Variants in ANKRD13C observed in about 807,000 individuals in gnomAD.
The protein encoded by ANKRD13C is ankyrin repeat domain-containing protein 13C.
A neutral mutation model predicts 65.5 loss-of-function variants in ANKRD13C; 16 were observed. The ratio of observed to expected loss-of-function variants is 0.24; its 90% confidence interval spans 0.17 to 0.37. The LOEUF is 0.37. Ranked by LOEUF, ANKRD13C falls within the 10% of genes least tolerant of loss-of-function variation. The probability of loss-of-function intolerance (pLI) is 1.00; values close to 1 mark genes in which losing one functional copy is unlikely to be tolerated. For synonymous variants in ANKRD13C, 235 were observed against 238.7 expected, an observed-to-expected ratio of 0.98 and a Z score of 0.14; for missense variants, 503 against 655.9, an observed-to-expected ratio of 0.77 and a Z score of 2.55.
At chr1:70,322,228 G>T (rs1681342636) in intron 3 of ANKRD13C, among the ~76,000 whole-genome samples, 1 of 151,722 alleles carries the variant, frequency 6.6e-6, no homozygotes, top group African/African-American at 2.4e-5. Flanking sequence ...CTTGAACTCG[G>T]TCTCAAAAAA....
At chr1:70,344,266 A>G (rs1682432779) in intron 1 of ANKRD13C, among the ~76,000 whole-genome samples, 1 of 147,688 alleles carries the variant, frequency 6.8e-6, no homozygotes, top group African/African-American at 2.5e-5. Flanking sequence ...CACTGCACTC[A>G]GCCTGGGCAA....
intron 2 of ANKRD13C, among the ~76,000 whole-genome samples, chr1:70,335,606 TAAATA>T (rs1681988250): frequency 6.6e-6 from 1 of 151,288 alleles, no homozygotes; most frequent in Non-Finnish European, 1.5e-5. Context: ...GCTTTTTAAT[TAAATA>T]ATGACTACTT....
In ANKRD13C at chr1:70,291,411, A is replaced by G. The variant is rs180817432; in HGVS notation, c.1215+977T>C. On this transcript the variant is annotated intron_variant, in intron 9 of 12. Coordinates refer to ENST00000370944, the MANE Select transcript of ANKRD13C (RefSeq NM_030816.5). ...ATATAAAATTATACAAATAAAAAAT[A>G]AATTTAAGAATGCATCTAAATTCAC... is the stretch of plus-strand genomic sequence containing the variant. 2.6e-5 allele frequency among the ~76,000 whole-genome samples: 4 copies of G among 152,372 alleles called. No individual in the cohort carries two copies. In the East Asian group the frequency reaches 7.7e-4, roughly 29 times the overall value.
chr1:70,330,237 G>C (rs1019425244), intron 2 of ANKRD13C, among the ~76,000 whole-genome samples: 11 of 152,128 alleles, frequency 7.2e-5, no homozygotes, highest in African/African-American at 2.7e-4. Flanking sequence ...CAAGGACTGT[G>C]AAAAACGCAA....
chr1:70,291,494 C>T (rs186535568), intron 9 of ANKRD13C, among the ~76,000 whole-genome samples: 8 of 152,222 alleles, frequency 5.3e-5, no homozygotes, highest in African/African-American at 1.4e-4. Context: ...CTTTTATTTC[C>T]TAATTTCTCC....
Position 70,262,748 on chromosome 1 carries a change from T to A in ANKRD13C, c.1595A>T (p.Lys532Met), listed in dbSNP as rs756635238. 1 of 1,613,536 alleles carries A rather than the reference T, an allele frequency of 6.2e-7. No individual in the cohort carries two copies. Among genetic ancestry groups the A allele is most frequent in the South Asian group, 1.1e-5 (1 of 91,048 alleles). ...GSIFTIPDDY[K>M]EDPSRFPDL ...ATCAGGAAAACGGCTTGGGTCTTCC[T>A]TGTAGTCATCAGGTATAGTAAAGAT... Residue 532 changes from lysine (K) to methionine (M), a missense_variant, in exon 13 of 13, where the codon AAG becomes ATG. This residue lies in a region of ANKRD13C where 300 missense variants were observed against 478.3 expected (regional missense o/e 0.63). Transcript: ENST00000370944.
chr1:70,262,551 G>T lies in ANKRD13C; in HGVS notation c.*166C>A. 1 of 673,584 alleles carries T rather than the reference G, an allele frequency of 1.5e-6. No individual in the cohort carries two copies. The highest frequency in any genetic ancestry group is 4.1e-5 in the South Asian group (1 of 24,686). 41.7% of individuals were successfully genotyped at this position (673,584 alleles called of 1,614,324 possible). A position where few individuals can be genotyped will look rare whatever the true frequency, so the allele number is the denominator to read the frequency against. ...AAAATGGCACATCAGAAAACTCGCT[G>T]AAATTCTTATTAGAGGCCCATTTCA... On this transcript the variant is annotated 3_prime_UTR_variant, in exon 13 of 13. Transcript: ENST00000370944.
At chr1:70,296,975 A>AG (rs1680105406) in intron 7 of ANKRD13C, among the ~76,000 whole-genome samples, 1 of 152,150 alleles carries the variant, frequency 6.6e-6, no homozygotes, top group South Asian at 2.1e-4. Context: ...TTTTTATATG[A>AG]GAAAAAAGGA....
intron 1 of ANKRD13C, among the ~76,000 whole-genome samples, chr1:70,350,630 AT>A (rs1176924264): frequency 1.3e-5 from 2 of 152,246 alleles, no homozygotes; most frequent in Non-Finnish European, 2.9e-5. Context: ...TGAGAAAAAA[AT>A]ATATTTAAAA....
In ANKRD13C at chr1:70,292,532, A is replaced by G. The variant is rs1465568641; in HGVS notation, c.1071T>C (p.Phe357=). The G allele has an allele frequency of 1.6e-5, 25 of 1,595,858 alleles. No individual in the cohort carries two copies. The highest frequency in any genetic ancestry group is 2.0e-5 in the Non-Finnish European group (24 of 1,175,800). Residue 357 remains phenylalanine, a synonymous_variant, in exon 9 of 13, where the codon TTT becomes TTC. Transcript: ENST00000370944. ...CATTCACCAGGTAAAAGTCTGCCAA[A>G]AAGTTTCCTACTCTTTCCTAAAACA... ...REDKTERVGN[F]LADFYLVNGL... is the part of the protein sequence containing the mutation.
intron 9 of ANKRD13C, among the ~76,000 whole-genome samples, chr1:70,286,063 T>A (rs1679610907): frequency 6.6e-6 from 1 of 152,052 alleles, no homozygotes; most frequent in African/African-American, 2.4e-5. Context: ...TGTTAAATTC[T>A]GTGTCTGTGT....
In ANKRD13C at chr1:70,354,463, C is replaced by A; in HGVS notation, c.-55G>T. The A allele has an allele frequency of 6.4e-7, 1 of 1,550,538 alleles. No homozygotes were observed. Among genetic ancestry groups the A allele is most frequent in the Non-Finnish European group, 8.7e-7 (1 of 1,150,588 alleles). The stretch of plus-strand genomic sequence containing the variant: ...GGGAGGCTCACCGCTGGCGACGGAG[C>A]TGGCGCTGCGGCGGCACAAGGCGAT... On this transcript the variant is annotated 5_prime_UTR_variant, in exon 1 of 13. Coordinates refer to ENST00000370944, the MANE Select transcript of ANKRD13C (RefSeq NM_030816.5).
intron 8 of ANKRD13C, among the ~76,000 whole-genome samples, chr1:70,295,325 G>A (rs1179915295): frequency 1.3e-5 from 2 of 151,950 alleles, no homozygotes; most frequent in African/African-American, 4.8e-5. Context: ...TCGGCTCACT[G>A]TAACCTCCAC....
intron 12 of ANKRD13C, 87 bp downstream of exon 12, chr1:70,270,769 G>T: frequency 1.1e-6 from 1 of 912,282 alleles, no homozygotes; most frequent in Non-Finnish European, 1.7e-6. Context: ...GGGGACCCCT[G>T]CTTTAAAAGA....
intron 11 of ANKRD13C, among the ~76,000 whole-genome samples, chr1:70,273,408 C>A (rs1678982307): frequency 6.6e-6 from 1 of 152,190 alleles, no homozygotes; most frequent in Non-Finnish European, 1.5e-5. Context: ...TCAGTCAGCT[C>A]TTGCTACCCA....
rs1033146452 is a variant in ANKRD13C at position 70,309,532 on chromosome 1, C to T, written c.710-3242G>A. Among the ~76,000 whole-genome samples the T allele has an allele frequency of 2.7e-5, 4 of 149,982 alleles. No individual in the cohort carries two copies. The South Asian group carries it at 6.3e-4, about 24-fold the overall frequency. On this transcript the variant is annotated intron_variant, in intron 5 of 12. Transcript: ENST00000370944. ...AGAAGATCAAGACCATCTTGGCTAA[C>T]ACGGTGAAATCCCGTCTGTACTAAA...
At chr1:70,289,787 A>C (rs967311063) in intron 9 of ANKRD13C, among the ~76,000 whole-genome samples, 1 of 152,012 alleles carries the variant, frequency 6.6e-6, no homozygotes, top group East Asian at 1.9e-4. Context: ...GTGTTGCCCA[A>C]ATTTTTAAAA....
chr1:70,344,886 G>A (rs998991032), intron 1 of ANKRD13C, among the ~76,000 whole-genome samples: 1 of 151,752 alleles, frequency 6.6e-6, no homozygotes, highest in African/African-American at 2.4e-5. Flanking sequence ...CTCACTACGT[G>A]TTAATATAAA....
rs1678318032 is a variant in ANKRD13C, at chr1:70,259,135, CATT to C, written c.*3579_*3581del. On this transcript the variant is annotated 3_prime_UTR_variant, in exon 13 of 13. Transcript: ENST00000370944. ...TGCATTCCACAGAACATGTACCCAT[CATT>C]AAGTGACACACAACTGTATTTAGAA... Among the ~76,000 whole-genome samples, 1 of 152,156 alleles carries C rather than the reference CATT, an allele frequency of 6.6e-6. No individual in the cohort carries two copies. Among genetic ancestry groups the C allele is most frequent in the Non-Finnish European group, 1.5e-5 (1 of 68,022 alleles).
Sources: allele counts gnomAD v4.1 joint callset (sites outside exome capture counted in the v4.1 genomes callset), GRCh38; gene constraint gnomAD v4.1.1; regional missense constraint gnomAD v4.1.1; transcripts MANE v1.5; gene names NCBI Gene and HGNC (gene_info 2026-07-23, HGNC 2026-07-21).